SYMPK: variants seen among roughly 807,000 people sequenced by gnomAD.
The protein encoded by SYMPK is symplekin scaffold protein, also known as symplekin.
SYMPK carries 49 observed loss-of-function variants against 136.4 expected under a neutral mutation model. The ratio of observed to expected loss-of-function variants is 0.36; its 90% CI spans 0.29 to 0.46. SYMPK has a LOEUF of 0.46. Among genes scored for constraint, SYMPK ranks in the 20% least tolerant of loss-of-function variants. The pLI is 1.00. For synonymous variants in SYMPK, 766 were observed against 713.0 expected (o/e 1.07, Z -1.19); for missense variants, 1,365 against 1,690.0 (o/e 0.81, Z 3.37).
At chr19:45,848,664 C>T (rs1600525313) in intron 6 of SYMPK, 86 bp downstream of exon 6, 4 of 1,573,696 alleles carry the variant, frequency 2.5e-6, no homozygotes, top group East Asian at 2.2e-5. Context: ...AGAGTATGCT[C>T]GGATGCTGGT....
At chr19:45,828,905 A>T in intron 14 of SYMPK, 65 bp downstream of exon 14, 1 of 1,513,012 alleles carries the variant, frequency 6.6e-7, no homozygotes, top group Non-Finnish European at 9.1e-7. Context: ...GCAATCAGAA[A>T]GGGAGGGCAG....
At position 45,816,862 on chromosome 19, in the gene SYMPK, A is replaced by G; in HGVS notation, c.3194T>C (p.Phe1065Ser). The G allele has an allele frequency of 6.5e-7, 1 of 1,549,942 alleles. No homozygotes were observed. Among genetic ancestry groups the G allele is most frequent in the Non-Finnish European group, 8.7e-7 (1 of 1,146,822 alleles). The change falls in exon 24 of 27, where the codon TTT becomes TCT. Residue 1065 changes from phenylalanine to serine, a missense_variant. Around this residue, in one of 11 missense-constraint regions of SYMPK, gnomAD observed 156 missense variants for 217.8 expected, o/e 0.72. Coordinates refer to ENST00000245934, the MANE Select transcript of SYMPK (RefSeq NM_004819.3). Reference protein sequence around the residue: ...QLPPQQLGAVFDKCPELREPL... With the variant: ...QLPPQQLGAVSDKCPELREPL... ...CTCCCGGAGCTCTGGGCACTTGTCA[A>G]AGACGGCTCCCAGCTGCTGGGGCGG...
intron 11 of SYMPK, among the ~76,000 whole-genome samples, chr19:45,831,914 G>A (rs1410675712): frequency 1.3e-5 from 2 of 152,110 alleles, no homozygotes; most frequent in African/African-American, 2.4e-5. Flanking sequence ...GCTCACTGCA[G>A]TCTTGACCTC....
At position 45,815,518 on chromosome 19, in the gene SYMPK, G is replaced by T; in HGVS notation, c.*42C>A. The T allele has an allele frequency of 4.4e-6, 3 of 680,404 alleles. No homozygotes were observed. Among genetic ancestry groups the T allele is most frequent in the Non-Finnish European group, 4.4e-6 (2 of 454,602 alleles). The allele number at this position is 680,404 out of a possible 1,614,324, so 42.1% of individuals were successfully genotyped here. ...AGGTCAAGCCCCGCCCCGTCCCCCA[G>T]CCCCGAGTCCCTGTCCCACCCCCTT... is the stretch of plus-strand genomic sequence containing the variant. On this transcript the variant is annotated 3_prime_UTR_variant, in exon 27 of 27. Coordinates refer to ENST00000245934, the MANE Select transcript of SYMPK (RefSeq NM_004819.3).
intron 22 of SYMPK, chr19:45,820,936 G>A (rs1053701141): frequency 2.4e-5 from 14 of 575,370 alleles, no homozygotes; most frequent in Admixed American, 1.4e-4. Flanking sequence ...CGGCCAGTTC[G>A]TCACCAACCC....
At chr19:45,844,009 G>C (rs753971433) in intron 8 of SYMPK, 21 bp downstream of exon 8, 18 of 1,454,404 alleles carry the variant, frequency 1.2e-5, no homozygotes, top group South Asian at 1.6e-5. Context: ...GGCAGGGGGA[G>C]GGGGGAGGAC....
At chr19:45,826,022 C>T (rs1462455947) in intron 17 of SYMPK, among the ~76,000 whole-genome samples, 14 of 152,306 alleles carry the variant, frequency 9.2e-5, no homozygotes, top group Admixed American at 5.9e-4. Flanking sequence ...TGGCTCTCCT[C>T]GTCCTCCAGA....
chr19:45,820,783 C>G (rs1970870273), intron 22 of SYMPK: 1 of 255,222 alleles, frequency 3.9e-6, no homozygotes, highest in Admixed American at 5.1e-5. Context: ...GAGTAAGTCA[C>G]CTAACCTCTC....
chr19:45,855,561 C>T (rs1303825270), intron 1 of SYMPK: 1 of 151,822 alleles, frequency 6.6e-6, no homozygotes, highest in Admixed American at 6.6e-5. Flanking sequence ...AGGAAAAAGA[C>T]TATGGAACTG....
At chr19:45,826,589 C>A (rs555449647) in intron 16 of SYMPK, among the ~76,000 whole-genome samples, 1 of 152,238 alleles carries the variant, frequency 6.6e-6, no homozygotes, top group East Asian at 1.9e-4. Context: ...GCCTCTCCAG[C>A]CCATCTGCCC....
chr19:45,821,266 T>TG lies in SYMPK; in HGVS notation c.2893+117dup. The TG allele has an allele frequency of 1.3e-6, 1 of 788,838 alleles. No individual in the cohort carries two copies. The highest frequency in any genetic ancestry group is 2.2e-6 in the Non-Finnish European group (1 of 453,360). The allele number at this position is 788,838 out of a possible 1,614,324, so 48.9% of individuals were successfully genotyped here. A position where few individuals can be genotyped will look rare whatever the true frequency, so the allele number is the denominator to read the frequency against. On this transcript the variant is annotated intron_variant, in intron 22 of 26. Transcript: ENST00000245934. This position sits in a 1 kb window ranked among gnomAD's most constrained non-coding sequence, Gnocchi z 4.4. ...GAGGTGGCTCTCCAGAGCTCTGAGG[T>TG]GGGGCTGTGAGTGACAGTCTTTGAC...
chr19:45,834,842 A>G (rs559919347), intron 11 of SYMPK, among the ~76,000 whole-genome samples: 7 of 152,252 alleles, frequency 4.6e-5, no homozygotes, highest in Non-Finnish European at 7.3e-5. Flanking sequence ...CCAAAGTCAT[A>G]CAGATATTAA....
chr19:45,816,276 T>C, intron 25 of SYMPK, 93 bp from the exon 26 acceptor site: 1 of 1,140,446 alleles, frequency 8.8e-7, no homozygotes, highest in Non-Finnish European at 1.2e-6. Context: ...GGTCTTTGAG[T>C]TCTTCACCAA....
intron 18 of SYMPK, 23 bp downstream of exon 18, chr19:45,825,148 C>T (rs1323528061): frequency 1.6e-5 from 25 of 1,606,134 alleles, no homozygotes; most frequent in Non-Finnish European, 2.0e-5. Context: ...GTGGGCAGGG[C>T]CTGGTGGGCT....
chr19:45,816,110 A>C lies in SYMPK; in HGVS notation c.3428T>G (p.Leu1143Arg). 1.3e-6 allele frequency: 2 copies of C among 1,555,432 alleles called. No individual in the cohort carries two copies. Among genetic ancestry groups the C allele is most frequent in the Non-Finnish European group, 1.7e-6 (2 of 1,149,250 alleles). Reference sequence around the variant, plus strand: ...CCGCTTTAAGGCCTTCTCCTGGGCCAGTCGCAGGCCGATGAGGTCCTGAGG... The same window carrying C: ...CCGCTTTAAGGCCTTCTCCTGGGCCCGTCGCAGGCCGATGAGGTCCTGAGG... ...RPPQDLIGLR[L>R]AQEKALKRQL... The change falls in exon 26 of 27, where the codon CTG becomes CGG. Residue 1143 changes from leucine (L) to arginine (R), a missense_variant. By Grantham distance (102) the Leu-to-Arg change is moderately radical. This residue lies in a region of SYMPK where 341 missense variants were observed against 270.5 expected (regional missense o/e 1.26). Transcript: ENST00000245934.
At chr19:45,857,184 G>A (rs536067706) in intron 1 of SYMPK, among the ~76,000 whole-genome samples, 3 of 151,710 alleles carry the variant, frequency 2.0e-5, no homozygotes, top group South Asian at 2.1e-4. Flanking sequence ...CAAGGCGGAC[G>A]GATCACGGAG....
chr19:45,836,203 T>TC (rs1971296728), intron 10 of SYMPK, among the ~76,000 whole-genome samples: 1 of 151,592 alleles, frequency 6.6e-6, no homozygotes, highest in African/African-American at 2.4e-5. Context: ...TGCCTCAGCC[T>TC]CCCAAGTAGC....
At chr19:45,835,702 A>G (rs1031400486) in intron 10 of SYMPK, among the ~76,000 whole-genome samples, 1 of 152,286 alleles carries the variant, frequency 6.6e-6, no homozygotes, top group Middle Eastern at 3.4e-3. Flanking sequence ...ACTTGAGGTC[A>G]GGAGCCCAAG....
rs1491508236 is a variant in SYMPK at position 45,859,953 on chromosome 19, T to TCAAAA, written c.-13+3104_-13+3105insTTTTG. 3.7e-4 allele frequency among the ~76,000 whole-genome samples: 32 copies of TCAAAA among 85,652 alleles called. 1 individual carries two copies. The highest frequency in any genetic ancestry group is 7.4e-4 in the African/African-American group (16 of 21,756). The allele number at this position is 85,652 out of a possible 152,430, so 56.2% of individuals were successfully genotyped here. A position where few individuals can be genotyped will look rare whatever the true frequency, so the allele number is the denominator to read the frequency against. ...CTGGGAGACACGGTAAGACTCCATC[T>TCAAAA]AAAAAAAAAAAAAAAAAAAAAAAAA... On this transcript the variant is annotated intron_variant, in intron 1 of 26. Transcript: ENST00000245934.
Sources: allele counts gnomAD v4.1 joint callset (sites outside exome capture counted in the v4.1 genomes callset), GRCh38; gene constraint gnomAD v4.1.1; regional missense constraint gnomAD v4.1.1; non-coding constraint Gnocchi (gnomAD v3.1); transcripts MANE v1.5; gene names NCBI Gene and HGNC (gene_info 2026-07-23, HGNC 2026-07-21).